SPRR2G: variants seen among roughly 807,000 people sequenced by gnomAD.
SPRR2G encodes small proline-rich protein 2G.
A neutral mutation model predicts 0.7 loss-of-function variants in SPRR2G; 1 was observed. The observed-to-expected ratio is 1.49, with a 90% CI of 0.53 to 7.06. The LOEUF is 7.06. Among genes scored for constraint, SPRR2G ranks in the 30% most tolerant of loss-of-function variants. The pLI, the probability that SPRR2G is intolerant of heterozygous loss-of-function variation, is 0.14. For missense variants in SPRR2G, 96 were observed against 88.5 expected (o/e 1.09, Z -0.34); for synonymous variants, 38 against 33.9 (o/e 1.12, Z -0.42).
the SPRR2G span, among the ~76,000 whole-genome samples, chr1:153,167,296 G>A: frequency 6.6e-6 from 1 of 151,658 alleles, no homozygotes; most frequent in Non-Finnish European, 1.5e-5. Flanking sequence ...CCAACATGGA[G>A]AAATCCCATC....
upstream of SPRR2G, among the ~76,000 whole-genome samples, chr1:153,154,663 T>C (rs1332932006): frequency 6.6e-6 from 1 of 152,162 alleles, no homozygotes; most frequent in Admixed American, 6.5e-5. Context: ...AGCAGTCTCT[T>C]AGGATCTTTT....
At chr1:153,180,398 A>T in the SPRR2G span, among the ~76,000 whole-genome samples, 2 of 152,072 alleles carry the variant, frequency 1.3e-5, no homozygotes, top group African/African-American at 2.4e-5. Context: ...TTTTTTCCCC[A>T]AAATTGTGTT....
At chr1:153,193,348 A>T in the SPRR2G span, among the ~76,000 whole-genome samples, 2 of 152,128 alleles carry the variant, frequency 1.3e-5, no homozygotes, top group Admixed American at 6.5e-5. Context: ...GTGCCTCAAC[A>T]TCAGTGACCA....
chr1:153,195,195 G>A, the SPRR2G span, among the ~76,000 whole-genome samples: 1 of 152,014 alleles, frequency 6.6e-6, no homozygotes. Flanking sequence ...TCCCTTCCCC[G>A]CAGCATCTAG....
At chr1:153,192,005 A>G in the SPRR2G span, among the ~76,000 whole-genome samples, 1 of 152,222 alleles carries the variant, frequency 6.6e-6, no homozygotes, top group African/African-American at 2.4e-5. Context: ...TCTAGTTTAT[A>G]AAACCTGAAG....
the SPRR2G span, among the ~76,000 whole-genome samples, chr1:153,173,636 G>C: frequency 0.013 from 2,015 of 152,266 alleles, 43 homozygotes; most frequent in African/African-American, 0.038. Context: ...TATTTCCTTG[G>C]TTGGACTGAA....
At chr1:153,184,667 C>G in the SPRR2G span, among the ~76,000 whole-genome samples, 1 of 152,174 alleles carries the variant, frequency 6.6e-6, no homozygotes, top group Non-Finnish European at 1.5e-5. Flanking sequence ...AACTTGACTT[C>G]CCCTCTTCCT....
chr1:153,191,637 A>ATT, the SPRR2G span: 1 of 152,220 alleles, frequency 6.6e-6, no homozygotes, highest in African/African-American at 2.4e-5. Context: ...AAAGTCAAAT[A>ATT]ATGTCAGCAT....
At chr1:153,156,575 A>G in the SPRR2G span, among the ~76,000 whole-genome samples, 1 of 152,192 alleles carries the variant, frequency 6.6e-6, no homozygotes, top group Non-Finnish European at 1.5e-5. Context: ...GTACATTTAA[A>G]TACGCGCTGT....
the SPRR2G span, among the ~76,000 whole-genome samples, chr1:153,165,312 A>G: frequency 1.3e-5 from 2 of 152,178 alleles, no homozygotes; most frequent in African/African-American, 4.8e-5. Context: ...AAAATCAAAG[A>G]GAATTCATTG....
chr1:153,170,963 G>T, the SPRR2G span, among the ~76,000 whole-genome samples: 1 of 152,168 alleles, frequency 6.6e-6, no homozygotes, highest in Non-Finnish European at 1.5e-5. Context: ...AATTCTCAAA[G>T]ACCTAGAAGA....
the SPRR2G span, among the ~76,000 whole-genome samples, chr1:153,188,611 TG>T: frequency 6.6e-6 from 1 of 152,192 alleles, no homozygotes; most frequent in African/African-American, 2.4e-5. Context: ...CTTAGCTTGC[TG>T]GGCTCCATGG....
chr1:153,199,773 G>A, the SPRR2G span, among the ~76,000 whole-genome samples: 39 of 151,912 alleles, frequency 2.6e-4, no homozygotes, highest in African/African-American at 6.3e-4. Flanking sequence ...GAAATCATGC[G>A]ATTTCTTAGC....
chr1:153,156,304 A>T, the SPRR2G span, among the ~76,000 whole-genome samples: 1 of 152,206 alleles, frequency 6.6e-6, no homozygotes, highest in African/African-American at 2.4e-5. Context: ...ACACCTACCT[A>T]TAGCAATTGG....
upstream of SPRR2G, among the ~76,000 whole-genome samples, chr1:153,152,068 C>G (rs1480972069): frequency 6.6e-6 from 1 of 152,178 alleles, no homozygotes; most frequent in Non-Finnish European, 1.5e-5. Flanking sequence ...AAAAATACAC[C>G]TACCACAAAA....
chr1:153,190,816 T>C, the SPRR2G span: 1 of 152,192 alleles, frequency 6.6e-6, no homozygotes, highest in South Asian at 2.1e-4. Context: ...CCATAAATCC[T>C]AACAAAGCTC....
At chr1:153,159,856 G>A in the SPRR2G span, among the ~76,000 whole-genome samples, 23 of 152,144 alleles carry the variant, frequency 1.5e-4, no homozygotes, top group Non-Finnish European at 2.9e-4. Flanking sequence ...CAGCTTGGGG[G>A]AAATTGCCTC....
At chr1:153,197,687 C>T in the SPRR2G span, among the ~76,000 whole-genome samples, 1 of 152,160 alleles carries the variant, frequency 6.6e-6, no homozygotes, top group Non-Finnish European at 1.5e-5. Context: ...ATGGGGAGCA[C>T]ATCAGGCATG....
chr1:153,185,817 T>A, the SPRR2G span, among the ~76,000 whole-genome samples: 1 of 152,194 alleles, frequency 6.6e-6, no homozygotes, highest in African/African-American at 2.4e-5. Flanking sequence ...GGGTGTCGAT[T>A]TTAGATCTTT....
Sources: allele counts gnomAD v4.1 joint callset (sites outside exome capture counted in the v4.1 genomes callset), GRCh38; gene constraint gnomAD v4.1.1; transcripts MANE v1.5; gene names NCBI Gene and HGNC (gene_info 2026-07-23, HGNC 2026-07-21).